SIK2: variants seen among roughly 807,000 people sequenced by gnomAD.
SIK2 encodes the protein serine/threonine-protein kinase SIK2.
SIK2 carries 29 observed loss-of-function variants against 103.2 expected under a neutral mutation model. The observed-to-expected ratio is 0.28, with a 90% CI of 0.21 to 0.38. The LOEUF is 0.38. SIK2 is among the 10% of genes least tolerant of loss of function. The pLI is 1.00. For missense variants in SIK2, 879 were observed against 1,171.0 expected, an observed-to-expected ratio of 0.75 and a Z score of 3.64; for synonymous variants, 412 against 446.1, an observed-to-expected ratio of 0.92 and a Z score of 0.96.
chr11:111,718,533 G>C (rs1273500950), intron 9 of SIK2, among the ~76,000 whole-genome samples: 1 of 152,234 alleles, frequency 6.6e-6, no homozygotes, highest in Admixed American at 6.5e-5. Context: ...GAGGGCTATA[G>C]CCCAGAATGG....
rs184346757 is a variant in SIK2, at chr11:111,726,363, G to A, written c.*2234G>A. On this transcript the variant is annotated 3_prime_UTR_variant, in exon 15 of 15. Coordinates refer to ENST00000304987, the MANE Select transcript of SIK2 (RefSeq NM_015191.3). ...GCCAGCCGATGAGGGACTGCAGAGAGGCTACTGGAAGGTTAAGGACCCAGA... is the reference window on the plus strand; with the variant it reads ...GCCAGCCGATGAGGGACTGCAGAGAAGCTACTGGAAGGTTAAGGACCCAGA... 1.3e-5 allele frequency: 2 copies of A among 152,702 alleles called. No individual in the cohort carries two copies. The highest frequency in any genetic ancestry group is 3.9e-4 in the East Asian group (2 of 5,170). The allele number at this position is 152,702 out of a possible 1,614,324, so 9.5% of individuals were successfully genotyped here.
rs963100780 is a variant in SIK2, at chr11:111,725,583, G to A, written c.*1454G>A. 3 of 152,656 alleles carry A rather than the reference G, an allele frequency of 2.0e-5. No homozygotes were observed. The highest frequency in any genetic ancestry group is 4.8e-5 in the African/African-American group (2 of 41,470). The allele number at this position is 152,656 out of a possible 1,614,324, so 9.5% of individuals were successfully genotyped here. On this transcript the variant is annotated 3_prime_UTR_variant, in exon 15 of 15. Coordinates refer to ENST00000304987, the MANE Select transcript of SIK2 (RefSeq NM_015191.3). ...TAAAGATGATCATTTCTGCCCTTTA[G>A]AATGGCTTGTCCCATCAGCAGATGA...
In SIK2 at chr11:111,722,548, C is replaced by A; in HGVS notation, c.2056-117C>A. The A allele has an allele frequency of 2.1e-6, 2 of 974,366 alleles. No homozygotes were observed. Among genetic ancestry groups the A allele is most frequent in the East Asian group, 2.5e-5 (1 of 40,706 alleles). The allele number at this position is 974,366 out of a possible 1,614,324, so 60.4% of individuals were successfully genotyped here. A position where few individuals can be genotyped will look rare whatever the true frequency, so the allele number is the denominator to read the frequency against. On this transcript the variant is annotated intron_variant, in intron 13 of 14. Coordinates refer to ENST00000304987, the MANE Select transcript of SIK2 (RefSeq NM_015191.3). This position sits in a 1 kb window ranked among gnomAD's most constrained non-coding sequence, Gnocchi z 4.4. The stretch of plus-strand genomic sequence containing the variant: ...AGGGAGTAAATGTCAGTCCCTTCAC[C>A]CCGTGTGGATTCTGTAGAATGCAGT...
At chr11:111,712,021 C>T (rs925199037) in intron 8 of SIK2, among the ~76,000 whole-genome samples, 190 bp from the exon 9 acceptor site, 4 of 152,226 alleles carry the variant, frequency 2.6e-5, no homozygotes, top group Non-Finnish European at 4.4e-5. Context: ...TCAGAGTAAC[C>T]GATTGCTGAG....
intron 3 of SIK2, among the ~76,000 whole-genome samples, chr11:111,643,455 C>T (rs965376019): frequency 2.6e-5 from 4 of 151,524 alleles, no homozygotes; most frequent in Non-Finnish European, 5.9e-5. Flanking sequence ...GCCATTGTAT[C>T]CCAGAACTTA....
intron 3 of SIK2, among the ~76,000 whole-genome samples, chr11:111,632,408 A>T (rs977253901): frequency 1.3e-5 from 2 of 152,176 alleles, no homozygotes; most frequent in African/African-American, 4.8e-5. Context: ...AAGGTCATCA[A>T]GGATCATTGC....
At chr11:111,609,482 T>C (rs2135829776) in intron 1 of SIK2, among the ~76,000 whole-genome samples, 1 of 152,218 alleles carries the variant, frequency 6.6e-6, no homozygotes, top group Non-Finnish European at 1.5e-5. Flanking sequence ...CCACCATGCC[T>C]GGCTAATTTT....
intron 8 of SIK2, among the ~76,000 whole-genome samples, chr11:111,707,790 T>C (rs139531826): frequency 6.6e-6 from 1 of 152,308 alleles, no homozygotes; most frequent in Non-Finnish European, 1.5e-5. Flanking sequence ...AACAACATGA[T>C]CCAGTCAATA....
intron 3 of SIK2, among the ~76,000 whole-genome samples, chr11:111,678,915 T>C (rs560930074): frequency 1.5e-4 from 23 of 152,238 alleles, no homozygotes; most frequent in African/African-American, 5.5e-4. Context: ...AAAACAAAAT[T>C]TGGGGTTTTT....
chr11:111,623,842 C>G (rs1305526695), intron 3 of SIK2, among the ~76,000 whole-genome samples: 2 of 152,210 alleles, frequency 1.3e-5, no homozygotes, highest in Admixed American at 1.3e-4. Context: ...GTGTGTAGCT[C>G]ACTCTTATCT....
intron 4 of SIK2, among the ~76,000 whole-genome samples, chr11:111,694,777 G>A (rs906095629): frequency 3.3e-5 from 5 of 152,174 alleles, no homozygotes; most frequent in African/African-American, 1.2e-4. Flanking sequence ...ATGGAAGATG[G>A]CTCAAAGGGT....
At chr11:111,658,747 AAAAG>A (rs563525273) in intron 3 of SIK2, among the ~76,000 whole-genome samples, 56 of 152,228 alleles carry the variant, frequency 3.7e-4, no homozygotes, top group African/African-American at 1.3e-3. Flanking sequence ...TCACAAAAAA[AAAAG>A]AAGAAGAAGA....
At position 111,725,363 on chromosome 11, in the gene SIK2, C is replaced by CAG. The variant is rs1366727215; in HGVS notation, c.*1236_*1237dup. The stretch of plus-strand genomic sequence containing the variant: ...ACAGCAATATTCAAAGAAAGAACCA[C>CAG]AGATGTGTTAACCATTTAAGCAGAT... On this transcript the variant is annotated 3_prime_UTR_variant, in exon 15 of 15. Coordinates refer to ENST00000304987, the MANE Select transcript of SIK2 (RefSeq NM_015191.3). 2.0e-5 allele frequency: 3 copies of CAG among 152,648 alleles called. No homozygotes were observed. Among genetic ancestry groups the CAG allele is most frequent in the Non-Finnish European group, 4.4e-5 (3 of 68,044 alleles). 9.5% of individuals were successfully genotyped at this position (152,648 alleles called of 1,614,324 possible). A position where few individuals can be genotyped will look rare whatever the true frequency, so the allele number is the denominator to read the frequency against.
intron 3 of SIK2, among the ~76,000 whole-genome samples, chr11:111,627,502 T>A (rs1941976386): frequency 1.3e-5 from 2 of 152,158 alleles, no homozygotes; most frequent in African/African-American, 4.8e-5. Flanking sequence ...ACATATAAGG[T>A]TTGGTACTGT....
chr11:111,660,839 C>CTTTTTTTTTTTTTTTTTT (rs57174726), intron 3 of SIK2, among the ~76,000 whole-genome samples: 133 of 90,414 alleles, frequency 1.5e-3, no homozygotes, highest in Non-Finnish European at 1.8e-3. Context: ...GTGAAGTTGG[C>CTTTTTTTTTTTTTTTTTT]TTTTTTTTTT....
chr11:111,723,790 G>A lies in SIK2; in HGVS notation c.2442G>A (p.Leu814=). 1.2e-6 allele frequency: 2 copies of A among 1,613,746 alleles called. No homozygotes were observed. The highest frequency in any genetic ancestry group is 2.2e-5 in the South Asian group (2 of 91,070). ...CCGGTCCCCGGGCTGCTCCTCCTCT[G>A]CCCACGCAGCTACAGCAGCAGCAGC... is the stretch of plus-strand genomic sequence containing the variant. The part of the protein sequence containing the change: ...STSGPRAAPP[L]PTQLQQQQPP... Residue 814 remains leucine, a synonymous_variant, in exon 15 of 15, where the codon CTG becomes CTA. Coordinates refer to ENST00000304987, the MANE Select transcript of SIK2 (RefSeq NM_015191.3).
intron 12 of SIK2, 124 bp from the exon 13 acceptor site, chr11:111,721,706 G>T: frequency 1.6e-6 from 1 of 628,306 alleles, no homozygotes; most frequent in South Asian, 2.3e-5. Flanking sequence ...TAAAAGCTTT[G>T]AGTATTAATA....
intron 4 of SIK2, among the ~76,000 whole-genome samples, chr11:111,690,170 T>G (rs959840212): frequency 1.3e-5 from 2 of 152,024 alleles, no homozygotes; most frequent in African/African-American, 4.8e-5. Flanking sequence ...TATTTCACTC[T>G]TTTTTGCCAA....
chr11:111,618,267 G>T (rs1245059263), intron 2 of SIK2, among the ~76,000 whole-genome samples: 1 of 152,094 alleles, frequency 6.6e-6, no homozygotes, highest in South Asian at 2.1e-4. Context: ...ATGGGGAGCC[G>T]CTGTAAATAC....
Sources: allele counts gnomAD v4.1 joint callset (sites outside exome capture counted in the v4.1 genomes callset), GRCh38; gene constraint gnomAD v4.1.1; non-coding constraint Gnocchi (gnomAD v3.1); transcripts MANE v1.5; gene names NCBI Gene and HGNC (gene_info 2026-07-23, HGNC 2026-07-21).